The following RGS6 variants were observed in gnomAD, a reference collection of about 807,000 sequenced individuals.
RGS6 encodes the protein regulator of G-protein signaling 6.
In RGS6, 30 loss-of-function variants were observed where a neutral mutation model predicts 78.5. That is an observed-to-expected ratio of 0.38 (90% CI 0.29 to 0.52). The LOEUF (loss-of-function observed/expected upper bound fraction) is 0.52. Ranked by LOEUF, RGS6 falls within the 20% of genes least tolerant of loss-of-function variation. The pLI is 0.85. For synonymous variants in RGS6, 206 were observed against 206.0 expected, an observed-to-expected ratio of 1.00 and a Z score of 0.00; for missense variants, 495 against 609.7, an observed-to-expected ratio of 0.81 and a Z score of 1.98.
At chr14:72,343,298 C>A (rs1476501647) in intron 2 of RGS6, among the ~76,000 whole-genome samples, 1 of 152,162 alleles carries the variant, frequency 6.6e-6, no homozygotes, top group African/African-American at 2.4e-5. Flanking sequence ...GAGCTGCCTG[C>A]ATTCCTTGGC....
rs796698263 is a variant in RGS6 at position 72,548,342 on chromosome 14, T to TGTGTGCGC, written c.1422+8249_1422+8250insTGTGCGCG. On this transcript the variant is annotated intron_variant, in intron 17 of 17. Transcript: ENST00000553525. ...CAGATCATATTTGTGTGTGTGTGTG[T>TGTGTGCGC]GCGCGCGTGTGTGTGTGTGTGTGTG... Among the ~76,000 whole-genome samples, 468 of 134,812 alleles carry TGTGTGCGC rather than the reference T, an allele frequency of 3.5e-3. 1 individual carries two copies. The highest frequency in any genetic ancestry group is 0.014 in the African/African-American group (452 of 31,626). The allele number at this position is 134,812 out of a possible 152,430, so 88.4% of individuals were successfully genotyped here. A position where few individuals can be genotyped will look rare whatever the true frequency, so the allele number is the denominator to read the frequency against.
intron 2 of RGS6, among the ~76,000 whole-genome samples, chr14:71,972,195 A>G (rs2093853745): frequency 6.6e-6 from 1 of 152,012 alleles, no homozygotes; most frequent in South Asian, 2.1e-4. Context: ...TTTTGATAGT[A>G]AGAAGTCACT....
At chr14:72,416,477 C>G (rs1247345366) in intron 3 of RGS6, among the ~76,000 whole-genome samples, 1 of 152,170 alleles carries the variant, frequency 6.6e-6, no homozygotes, top group Non-Finnish European at 1.5e-5. Context: ...TTTAATTTCT[C>G]AAAGTGTTCT....
Position 72,081,338 on chromosome 14 carries a change from C to T in RGS6, c.84+116463C>T, listed in dbSNP as rs914630732. ...TAGTTTGTTGTATGTGGAAATGCTG[C>T]ATCAGCACTAATTCTTACATATTTT... On this transcript the variant is annotated intron_variant, in intron 2 of 17. Coordinates refer to ENST00000553525, the MANE Select transcript of RGS6 (RefSeq NM_001204424.2). Among the ~76,000 whole-genome samples the T allele has an allele frequency of 1.4e-4, 22 of 152,182 alleles. No homozygotes were observed. In the South Asian group the frequency reaches 2.9e-3, roughly 20 times the overall value.
chr14:72,206,463 C>T (rs754163004), intron 2 of RGS6, among the ~76,000 whole-genome samples: 2 of 151,996 alleles, frequency 1.3e-5, no homozygotes, highest in Non-Finnish European at 2.9e-5. Flanking sequence ...TGTGTATGCA[C>T]AATATTGTGT....
chr14:72,624,701 G>A, the RGS6 span, among the ~76,000 whole-genome samples: 4 of 152,160 alleles, frequency 2.6e-5, no homozygotes, highest in Non-Finnish European at 4.4e-5. Context: ...TAATTGTTGT[G>A]TTTTCTCAGT....
chr14:72,540,486 C>G, intron 17 of RGS6: 2 of 1,500,580 alleles, frequency 1.3e-6, no homozygotes, highest in Admixed American at 1.9e-5. Context: ...AACCATAGCT[C>G]ATCGAAAAAA....
At chr14:72,438,565 T>TGTTAA (rs1024040715) in intron 3 of RGS6, among the ~76,000 whole-genome samples, 1 of 152,324 alleles carries the variant, frequency 6.6e-6, no homozygotes, top group African/African-American at 2.4e-5. Flanking sequence ...GCTAGAAACC[T>TGTTAA]GGAGTCACTC....
chr14:72,265,943 G>T (rs1468152456), intron 2 of RGS6, among the ~76,000 whole-genome samples: 2 of 147,116 alleles, frequency 1.4e-5, no homozygotes, highest in East Asian at 2.1e-4. Flanking sequence ...TTTTTTGGGG[G>T]GGGGGGCGGG....
chr14:72,627,494 T>C, the RGS6 span, among the ~76,000 whole-genome samples: 1 of 152,110 alleles, frequency 6.6e-6, no homozygotes, highest in African/African-American at 2.4e-5. Flanking sequence ...CTTTCTATTC[T>C]ATCTCAGCTG....
intron 2 of RGS6, among the ~76,000 whole-genome samples, chr14:72,001,266 G>T (rs2083366412): frequency 6.6e-6 from 1 of 152,146 alleles, no homozygotes; most frequent in African/African-American, 2.4e-5. Context: ...AATCTCAGAG[G>T]TTACACATTT....
At chr14:72,041,272 G>T (rs11845023) in intron 2 of RGS6, among the ~76,000 whole-genome samples, 6,648 of 152,170 alleles carry the variant, frequency 0.044, 178 homozygotes, top group African/African-American at 0.078. Context: ...GATTCTGAGG[G>T]TCTCTGCGAC....
At chr14:72,104,134 C>A (rs1390941356) in intron 2 of RGS6, among the ~76,000 whole-genome samples, 1 of 151,996 alleles carries the variant, frequency 6.6e-6, no homozygotes, top group Non-Finnish European at 1.5e-5. Context: ...CCTGGAAATG[C>A]TACATATGGG....
chr14:71,929,294 C>T (rs574033733), upstream of RGS6, among the ~76,000 whole-genome samples: 97 of 152,324 alleles, frequency 6.4e-4, no homozygotes, highest in Middle Eastern at 3.4e-3. Context: ...CTTTAGCATC[C>T]TTCAATCTGA....
chr14:72,313,059 A>G (rs1177941473), intron 2 of RGS6, among the ~76,000 whole-genome samples: 1 of 152,144 alleles, frequency 6.6e-6, no homozygotes, highest in African/African-American at 2.4e-5. Flanking sequence ...CTTGAGTTTA[A>G]ATTCTAGCTC....
intron 13 of RGS6, among the ~76,000 whole-genome samples, chr14:72,500,956 T>C (rs1398991714): frequency 6.6e-6 from 1 of 152,178 alleles, no homozygotes. Context: ...GTACCCATTT[T>C]TCAAGACCCT....
rs189040143 is a variant in RGS6 at position 72,233,120 on chromosome 14, G to A, written c.85-118975G>A. Among the ~76,000 whole-genome samples, 468 of 152,328 alleles carry A rather than the reference G, an allele frequency of 3.1e-3. 1 individual carries two copies. Among genetic ancestry groups the A allele is most frequent in the African/African-American group, 0.011 (452 of 41,574 alleles). Reference sequence around the variant, plus strand: ...GGCAGAGAGGGAGCAGGCCCCAGAAGGTCCTTGTTCATCCTAGTCAGGTCC... The same window carrying A: ...GGCAGAGAGGGAGCAGGCCCCAGAAAGTCCTTGTTCATCCTAGTCAGGTCC... On this transcript the variant is annotated intron_variant, in intron 2 of 17. Transcript: ENST00000553525.
chr14:72,273,514 T>G (rs2060245257), intron 2 of RGS6, among the ~76,000 whole-genome samples: 1 of 152,194 alleles, frequency 6.6e-6, no homozygotes, highest in African/African-American at 2.4e-5. Context: ...TAAACGACAC[T>G]GTGCTGCTGG....
the RGS6 span, among the ~76,000 whole-genome samples, chr14:71,899,235 T>C: frequency 6.6e-6 from 1 of 152,154 alleles, no homozygotes; most frequent in South Asian, 2.1e-4. Flanking sequence ...CACCCATAAT[T>C]CCACTGTTCA....
Sources: gnomAD v4.1 joint callset for allele counts (sites outside exome capture counted in the v4.1 genomes callset) on GRCh38, gnomAD v4.1.1 for gene constraint, MANE v1.5 for transcripts, NCBI Gene and HGNC (gene_info 2026-07-23, HGNC 2026-07-21) for gene names.